KLK10: variants seen among roughly 807,000 people sequenced by gnomAD.
The protein encoded by KLK10 is kallikrein-10.
Under a neutral mutation model 25.7 loss-of-function variants are expected in KLK10, and 27 were observed. The ratio of observed to expected loss-of-function variants is 1.05; its 90% CI spans 0.77 to 1.45. The LOEUF (loss-of-function observed/expected upper bound fraction) is 1.45, where lower values mean the gene tolerates loss of function less well. Among genes scored for constraint, KLK10 ranks in the 40% most tolerant of loss-of-function variants. The pLI is 0.00. For synonymous variants in KLK10, 173 were observed against 160.1 expected (o/e 1.08, Z -0.61); for missense variants, 386 against 370.0 (o/e 1.04, Z -0.35).
rs899857847 is a variant in KLK10, at chr19:51,015,947, T to C, written c.479A>G (p.Tyr160Cys). 35 of 1,590,760 alleles carry C rather than the reference T, an allele frequency of 2.2e-5. No individual in the cohort carries two copies. Among genetic ancestry groups the C allele is most frequent in the Non-Finnish European group, 2.9e-5 (34 of 1,171,142 alleles). Residue 160 changes from tyrosine (Y) to cysteine (C), a missense_variant, in exon 4 of 6, where the codon TAC (tyrosine) becomes TGC (cysteine). Coordinates refer to ENST00000358789, the MANE Select transcript of KLK10 (RefSeq NM_145888.3). ...CTGGTCTCCGGGCTGAGCACAGCGGTAGGGAAGCTGCAGGGCCCGGACGCG... is the reference window on the plus strand; with the variant it reads ...CTGGTCTCCGGGCTGAGCACAGCGGCAGGGAAGCTGCAGGGCCCGGACGCG... Reference protein sequence around the residue: ...GPRVRALQLPYRCAQPGDQCQ... With the variant: ...GPRVRALQLPCRCAQPGDQCQ...
Position 51,014,834 on chromosome 19 carries a change from A to T in KLK10, c.797T>A (p.Met266Lys). Residue 266 changes from methionine (M) to lysine (K), a missense_variant, in exon 6 of 6, where the codon ATG becomes AAG. Transcript: ENST00000358789. ...PAVYTQICKY[M>K]SWINKVIRSN The stretch of plus-strand genomic sequence containing the variant: ...GCGTATGACTTTATTGATCCAGGAC[A>T]TGTATTTGCAGATCTGGGTGTAGAC... 6.2e-7 allele frequency: 1 copy of T among 1,614,092 alleles called. No homozygotes were observed. Among genetic ancestry groups the T allele is most frequent in the Non-Finnish European group, 8.5e-7 (1 of 1,179,970 alleles).
At chr19:51,016,896 A>T (rs1388578141) in intron 3 of KLK10, among the ~76,000 whole-genome samples, 3 of 152,106 alleles carry the variant, frequency 2.0e-5, no homozygotes, top group Admixed American at 2.0e-4. Flanking sequence ...AAGGAGAATC[A>T]GCGGGAGAGG....
chr19:51,019,183 T>C lies in KLK10; in HGVS notation c.-9-44A>G. 4 of 1,358,180 alleles carry C rather than the reference T, an allele frequency of 2.9e-6. No individual in the cohort carries two copies. The South Asian group carries it at 5.0e-5, about 17-fold the overall frequency. 84.1% of individuals were successfully genotyped at this position (1,358,180 alleles called of 1,614,324 possible). ...GGGCGGGTTAAAACAGATGCTCCGT[T>C]AGAGACCCCCACCTCGCCGCGCTCA... On this transcript the variant is annotated intron_variant, in intron 1 of 5. Coordinates refer to ENST00000358789, the MANE Select transcript of KLK10 (RefSeq NM_145888.3). The surrounding 1 kb of genome is among the most constrained non-coding windows in gnomAD (Gnocchi z 4.2).
chr19:51,015,931 G>C lies in KLK10; in HGVS notation c.495C>G (p.Pro165=). ...ALQLPYRCAQ[P]GDQCQVAGWG... Reference sequence around the variant, plus strand: ...AGCCAGCAACCTGGCACTGGTCTCCGGGCTGAGCACAGCGGTAGGGAAGCT... The same window carrying C: ...AGCCAGCAACCTGGCACTGGTCTCCCGGCTGAGCACAGCGGTAGGGAAGCT... Residue 165 remains proline, a synonymous_variant, in exon 4 of 6, where the codon CCC becomes CCG. Coordinates refer to ENST00000358789, the MANE Select transcript of KLK10 (RefSeq NM_145888.3). The C allele has an allele frequency of 6.3e-7, 1 of 1,589,506 alleles. No homozygotes were observed. Among genetic ancestry groups the C allele is most frequent in the Non-Finnish European group, 8.5e-7 (1 of 1,171,198 alleles).
intron 5 of KLK10, 89 bp from the exon 6 acceptor site, chr19:51,015,041 A>G (rs2075695): frequency 0.55 from 675,969 of 1,225,144 alleles, 192,964 homozygotes; most frequent in African/African-American, 0.88. Flanking sequence ...GGAAGGAAGG[A>G]GTTGGGTTGG....
At chr19:51,018,164 CAAAAAAAAAAAAAA>C (rs35154267) in intron 2 of KLK10, among the ~76,000 whole-genome samples, 1 of 36,446 alleles carries the variant, frequency 2.7e-5, no homozygotes, top group Non-Finnish European at 4.4e-5. Flanking sequence ...TGCCCTGTCT[CAAAAAAAAAAAAAA>C]AAAAAAAAGA....
chr19:51,014,769 C>T lies in KLK10; in HGVS notation c.*31G>A, dbSNP rs1222310272. On this transcript the variant is annotated 3_prime_UTR_variant, in exon 6 of 6. Transcript: ENST00000358789. ...GGCATCTGGATCAGCAGGAGCATAA[C>T]ATCTGGATCAGCTGGAGCGTAGCAT... 1 of 1,607,974 alleles carries T rather than the reference C, an allele frequency of 6.2e-7. No homozygotes were observed. Among genetic ancestry groups the T allele is most frequent in the South Asian group, 1.1e-5 (1 of 90,158 alleles).
At chr19:51,017,476 T>C (rs2091345593) in intron 2 of KLK10, among the ~76,000 whole-genome samples, 186 bp from the exon 3 acceptor site, 2 of 150,968 alleles carry the variant, frequency 1.3e-5, no homozygotes. Flanking sequence ...CGCGTGAAAG[T>C]GGAAGGAAGC....
chr19:51,017,404 C>T lies in KLK10; in HGVS notation c.89-114G>A, dbSNP rs2091344573. Reference sequence around the variant, plus strand: ...GGGGACGGGGGACGCAGCCAGAACGCGAGGGTGGTAGGGAAATATTGGGGG... The same window carrying T: ...GGGGACGGGGGACGCAGCCAGAACGTGAGGGTGGTAGGGAAATATTGGGGG... On this transcript the variant is annotated intron_variant, in intron 2 of 5. Transcript: ENST00000358789. 8 of 935,032 alleles carry T rather than the reference C, an allele frequency of 8.6e-6. No individual in the cohort carries two copies. In the East Asian group the frequency reaches 1.6e-4, roughly 19 times the overall value. The allele number at this position is 935,032 out of a possible 1,614,324, so 57.9% of individuals were successfully genotyped here.
rs778953538 is a variant in KLK10 at position 51,015,955 on chromosome 19, C to A, written c.471G>T (p.Gln157His). The A allele has an allele frequency of 5.7e-6, 9 of 1,588,474 alleles. No homozygotes were observed. Among genetic ancestry groups the A allele is most frequent in the Non-Finnish European group, 7.7e-6 (9 of 1,169,346 alleles). The change falls in exon 4 of 6, where the codon CAG becomes CAT. Residue 157 changes from glutamine (Q) to histidine (H), a missense_variant. By Grantham distance (24) the Gln-to-His change is conservative. Coordinates refer to ENST00000358789, the MANE Select transcript of KLK10 (RefSeq NM_145888.3). The part of the protein sequence containing the change: ...VVLGPRVRAL[Q>H]LPYRCAQPGD... ...CGGGCTGAGCACAGCGGTAGGGAAG[C>A]TGCAGGGCCCGGACGCGGGGCCCCA...
chr19:51,019,344 C>T lies in KLK10; in HGVS notation c.-9-205G>A, dbSNP rs1225230627. ...ATTACCCTAATGACGCCCCTCGCGG[C>T]ATCTTCCCGTCCTCCCTGTGCCCGA... is the stretch of plus-strand genomic sequence containing the variant. On this transcript the variant is annotated intron_variant, in intron 1 of 5. Transcript: ENST00000358789. This position sits in a 1 kb window ranked among gnomAD's most constrained non-coding sequence, Gnocchi z 4.2. Among the ~76,000 whole-genome samples, 4 of 152,206 alleles carry T rather than the reference C, an allele frequency of 2.6e-5. No homozygotes were observed. In the East Asian group the frequency reaches 7.7e-4, roughly 29 times the overall value.
intron 2 of KLK10, among the ~76,000 whole-genome samples, chr19:51,017,798 A>G (rs2091349623): frequency 6.6e-6 from 1 of 150,804 alleles, no homozygotes; most frequent in Non-Finnish European, 1.5e-5. Context: ...AGCCCGGGCA[A>G]CACAGCAAGA....
chr19:51,018,231 A>T (rs972378331), intron 2 of KLK10, among the ~76,000 whole-genome samples: 5 of 150,056 alleles, frequency 3.3e-5, no homozygotes, highest in African/African-American at 4.9e-5. Flanking sequence ...AGAAAGAAAG[A>T]AGAAAAAATA....
At chr19:51,017,021 A>C in intron 3 of KLK10, 89 bp downstream of exon 3, 1 of 1,278,554 alleles carries the variant, frequency 7.8e-7, no homozygotes, top group African/African-American at 1.5e-5. Context: ...CAGCTGTGGG[A>C]GTTCCGAGAG....
intron 3 of KLK10, 37 bp downstream of exon 3, chr19:51,017,072 GC>G (rs752969372): frequency 1.3e-6 from 2 of 1,513,252 alleles, no homozygotes; most frequent in Admixed American, 2.1e-5. Context: ...CGCCTCCACA[GC>G]CCCCCGTGGC....
intron 2 of KLK10, 151 bp from the exon 3 acceptor site, chr19:51,017,441 C>T (rs949949474): frequency 1.2e-5 from 8 of 687,654 alleles, no homozygotes; most frequent in Non-Finnish European, 1.9e-5. Context: ...TTCGCGTGCA[C>T]CGAAGGGAAT....
chr19:51,018,189 AGGAAAG>A (rs2091358422), intron 2 of KLK10, among the ~76,000 whole-genome samples: 2 of 115,494 alleles, frequency 1.7e-5, no homozygotes, highest in Admixed American at 9.6e-5. Context: ...AAAAAAAAGA[AGGAAAG>A]AAAAAGAGAG....
In KLK10 at chr19:51,015,896, G is replaced by A. The variant is rs761519065; in HGVS notation, c.530C>T (p.Thr177Met). 17 of 1,562,354 alleles carry A rather than the reference G, an allele frequency of 1.1e-5. No homozygotes were observed. The highest frequency in any genetic ancestry group is 6.7e-5 in the African/African-American group (5 of 74,318). ...DQCQVAGWGT[T>M]AARRVKYNKG... Reference sequence around the variant, plus strand: ...CCAGCTCTTGCCTCTCCGGGCGGCCGTGGTGCCCCAGCCAGCAACCTGGCA... The same window carrying A: ...CCAGCTCTTGCCTCTCCGGGCGGCCATGGTGCCCCAGCCAGCAACCTGGCA... The change falls in exon 4 of 6, where the codon ACG (threonine) becomes ATG (methionine). Residue 177 changes from threonine to methionine, a missense_variant. By Grantham distance (81) the Thr-to-Met change is moderately conservative. Transcript: ENST00000358789.
In KLK10 at chr19:51,019,519, G is replaced by C. The variant is rs954677058; in HGVS notation, c.-10+108C>G. Reference sequence around the variant, plus strand: ...CACAGCGGGGGGACTTCCGCGTCCCGCAGGTGGAGAAACCGAGGCTCTAAG... The same window carrying C: ...CACAGCGGGGGGACTTCCGCGTCCCCCAGGTGGAGAAACCGAGGCTCTAAG... On this transcript the variant is annotated intron_variant, in intron 1 of 5. Transcript: ENST00000358789. The surrounding 1 kb of genome is among the most constrained non-coding windows in gnomAD (Gnocchi z 4.2). The C allele has an allele frequency of 5.9e-6, 1 of 170,590 alleles. No homozygotes were observed. Among genetic ancestry groups the C allele is most frequent in the Non-Finnish European group, 1.2e-5 (1 of 80,336 alleles). 10.6% of individuals were successfully genotyped at this position (170,590 alleles called of 1,614,324 possible).
Sources: gnomAD v4.1 joint callset for allele counts (sites outside exome capture counted in the v4.1 genomes callset) on GRCh38, gnomAD v4.1.1 for gene constraint, Gnocchi (gnomAD v3.1) non-coding constraint, MANE v1.5 for transcripts, NCBI Gene and HGNC (gene_info 2026-07-23, HGNC 2026-07-21) for gene names.